ANKFN1: variants seen among roughly 807,000 people sequenced by gnomAD.
The protein encoded by ANKFN1 is ankyrin repeat and fibronectin type III domain containing 1.
ANKFN1 carries 74 observed loss-of-function variants against 108.7 expected under a neutral mutation model. The observed-to-expected ratio is 0.68, with a 90% CI of 0.56 to 0.83. The LOEUF is 0.83. ANKFN1 is among the 40% of genes least tolerant of loss of function. The pLI is 0.00. For synonymous variants in ANKFN1, 547 were observed against 516.2 expected (o/e 1.06, Z -0.81); for missense variants, 1,505 against 1,382.3 (o/e 1.09, Z -1.41).
At chr17:56,147,534 T>A (rs748062224) in intron 4 of ANKFN1, among the ~76,000 whole-genome samples, 1 of 151,220 alleles carries the variant, frequency 6.6e-6, no homozygotes, top group South Asian at 2.1e-4. Flanking sequence ...TGAGTACTGA[T>A]CAAAAGGGGA....
intron 4 of ANKFN1, among the ~76,000 whole-genome samples, chr17:56,136,607 C>T (rs1013423485): frequency 6.6e-6 from 1 of 152,186 alleles, no homozygotes; most frequent in African/African-American, 2.4e-5. Context: ...CTATATCTGA[C>T]ATAGCAAGAT....
intron 11 of ANKFN1, among the ~76,000 whole-genome samples, chr17:56,456,579 G>A (rs2049707799): frequency 6.6e-6 from 1 of 151,728 alleles, no homozygotes; most frequent in Non-Finnish European, 1.5e-5. Flanking sequence ...TGTATTTTTA[G>A]TAGAGACAGG....
chr17:56,427,534 G>C (rs2048608250), intron 8 of ANKFN1, among the ~76,000 whole-genome samples: 1 of 151,882 alleles, frequency 6.6e-6, no homozygotes, highest in African/African-American at 2.4e-5. Context: ...TGTTCTGCTT[G>C]GTGGTCACTG....
At chr17:56,489,367 TG>T (rs1430264072) in intron 18 of ANKFN1, among the ~76,000 whole-genome samples, 1 of 151,730 alleles carries the variant, frequency 6.6e-6, no homozygotes, top group Non-Finnish European at 1.5e-5. Flanking sequence ...GCCTCAGTTA[TG>T]GCTACCAAAT....
chr17:56,125,436 G>A (rs866841832), intron 4 of ANKFN1, among the ~76,000 whole-genome samples: 2 of 152,346 alleles, frequency 1.3e-5, no homozygotes, highest in Middle Eastern at 3.4e-3. Flanking sequence ...AAGACTCCCT[G>A]AAGGTCTCAT....
chr17:56,229,522 A>G (rs1299748001), intron 3 of ANKFN1, among the ~76,000 whole-genome samples: 1 of 151,984 alleles, frequency 6.6e-6, no homozygotes, highest in Non-Finnish European at 1.5e-5. Context: ...TACTTGGTAT[A>G]TATTAATCGT....
chr17:56,289,218 A>G (rs775288066), intron 3 of ANKFN1, among the ~76,000 whole-genome samples: 2 of 152,194 alleles, frequency 1.3e-5, no homozygotes, highest in Non-Finnish European at 2.9e-5. Context: ...ATCAGTGCTT[A>G]TAGTTCCTGA....
chr17:56,343,306 G>A (rs563330525), intron 4 of ANKFN1, among the ~76,000 whole-genome samples: 100 of 152,006 alleles, frequency 6.6e-4, no homozygotes, highest in Non-Finnish European at 1.3e-3. Context: ...TAATATCAAA[G>A]TTTTTGTTTA....
Position 56,510,785 on chromosome 17 carries a change from C to G in ANKFN1, c.2957C>G (p.Thr986Ser), listed in dbSNP as rs1466428491. 26 of 1,536,192 alleles carry G rather than the reference C, an allele frequency of 1.7e-5. No individual in the cohort carries two copies. Among genetic ancestry groups the G allele is most frequent in the Non-Finnish European group, 2.2e-5 (25 of 1,146,920 alleles). ...TGFTPKNHAK[T>S]VSGGRPPLGF... ...TTCACACCCAAGAACCACGCCAAGA[C>G]TGTGTCCGGTGGGCGGCCCCCGCTA... Residue 986 changes from threonine to serine, a missense_variant, in exon 21 of 21, where the codon ACT (threonine) becomes AGT (serine). Thr to Ser is a moderately conservative substitution (Grantham distance 58, BLOSUM62 1). Coordinates refer to ENST00000682825, the MANE Select transcript of ANKFN1 (RefSeq NM_001370326.1).
intron 14 of ANKFN1, among the ~76,000 whole-genome samples, chr17:56,464,557 T>C (rs1029287275): frequency 2.0e-5 from 3 of 152,104 alleles, no homozygotes; most frequent in Non-Finnish European, 2.9e-5. Flanking sequence ...AAAAGAGGGA[T>C]GGTAAAGTCT....
intron 8 of ANKFN1, among the ~76,000 whole-genome samples, chr17:56,385,937 G>T (rs946536544): frequency 1.3e-5 from 2 of 152,198 alleles, no homozygotes; most frequent in African/African-American, 4.8e-5. Context: ...TCTAGAACTA[G>T]AAATGCCATT....
intron 4 of ANKFN1, among the ~76,000 whole-genome samples, chr17:56,334,132 A>T (rs2144583015): frequency 6.6e-6 from 1 of 152,292 alleles, no homozygotes; most frequent in African/African-American, 2.4e-5. Context: ...CTCAGCAATA[A>T]AAACTGAAGG....
intron 3 of ANKFN1, among the ~76,000 whole-genome samples, chr17:56,233,848 T>TTA (rs1916916461): frequency 2.0e-5 from 3 of 152,102 alleles, no homozygotes; most frequent in African/African-American, 7.2e-5. Flanking sequence ...TGGTTGATAT[T>TTA]TATATATATG....
chr17:56,124,990 T>C (rs1906838471), intron 4 of ANKFN1, among the ~76,000 whole-genome samples: 1 of 152,218 alleles, frequency 6.6e-6, no homozygotes, highest in Non-Finnish European at 1.5e-5. Flanking sequence ...ACCAGTCACT[T>C]GTCTCTCTGC....
intron 4 of ANKFN1, among the ~76,000 whole-genome samples, chr17:56,349,313 G>A (rs2046187131): frequency 6.6e-6 from 1 of 151,736 alleles, no homozygotes; most frequent in Non-Finnish European, 1.5e-5. Flanking sequence ...GATAATCTGT[G>A]CAGCAAACCA....
intron 8 of ANKFN1, among the ~76,000 whole-genome samples, chr17:56,395,275 A>T (rs142522606): frequency 1.1e-4 from 17 of 152,322 alleles, no homozygotes; most frequent in Non-Finnish European, 2.2e-4. Flanking sequence ...GGCCAGTCTT[A>T]TCACCCCTAC....
chr17:56,091,175 AAG>A (rs1427944341), intron 4 of ANKFN1, among the ~76,000 whole-genome samples: 4 of 151,088 alleles, frequency 2.6e-5, no homozygotes, highest in African/African-American at 9.7e-5. Flanking sequence ...TAGAACGTGA[AAG>A]AGAGATATAA....
At chr17:56,321,909 T>A (rs1261132850) in intron 3 of ANKFN1, among the ~76,000 whole-genome samples, 2 of 152,140 alleles carry the variant, frequency 1.3e-5, no homozygotes, top group Non-Finnish European at 2.9e-5. Flanking sequence ...TTCTTTCCAA[T>A]GAGCTAAACA....
At chr17:56,501,030 A>G (rs1598730228) in intron 20 of ANKFN1, among the ~76,000 whole-genome samples, 2 of 152,196 alleles carry the variant, frequency 1.3e-5, no homozygotes, top group Non-Finnish European at 2.9e-5. Flanking sequence ...GCAGAGACCT[A>G]TCTGGAAAGA....
Sources: gnomAD v4.1 joint callset for allele counts (sites outside exome capture counted in the v4.1 genomes callset) on GRCh38, gnomAD v4.1.1 for gene constraint, MANE v1.5 for transcripts, NCBI Gene and HGNC (gene_info 2026-07-23, HGNC 2026-07-21) for gene names.